The following KLHDC4 variants were observed in gnomAD, a reference collection of about 807,000 sequenced individuals.
The protein encoded by KLHDC4 is kelch domain-containing protein 4.
Under a neutral mutation model 62.4 loss-of-function variants are expected in KLHDC4, and 90 were observed. The observed-to-expected ratio is 1.44, with a 90% confidence interval of 1.22 to 1.72. The LOEUF (loss-of-function observed/expected upper bound fraction) is 1.72. Among genes scored for constraint, KLHDC4 ranks in the 40% most tolerant of loss-of-function variants. The pLI, the probability that KLHDC4 is intolerant of heterozygous loss-of-function variation, is 0.00. For missense variants in KLHDC4, 1,025 were observed against 699.7 expected (o/e 1.47, Z -5.25); for synonymous variants, 386 against 284.4 (o/e 1.36, Z -3.59).
chr16:87,741,731 A>G (rs1396131102), intron 5 of KLHDC4, among the ~76,000 whole-genome samples: 1 of 152,210 alleles, frequency 6.6e-6, no homozygotes, highest in African/African-American at 2.4e-5. Context: ...CTGCCTTCCT[A>G]CAAGAAAACC....
At chr16:87,723,334 AAGTGG>A (rs1404833156) in intron 7 of KLHDC4, among the ~76,000 whole-genome samples, 2 of 152,276 alleles carry the variant, frequency 1.3e-5, no homozygotes, top group East Asian at 3.8e-4. Flanking sequence ...CTACTGAACT[AAGTGG>A]ATTGAGATCA....
intron 1 of KLHDC4, among the ~76,000 whole-genome samples, chr16:87,763,800 G>C (rs1001702390): frequency 3.3e-5 from 5 of 152,196 alleles, no homozygotes; most frequent in African/African-American, 1.2e-4. Context: ...CTGAAGGAGA[G>C]CAAGGTGGTA....
At chr16:87,760,606 CAAA>C (rs546426686) in intron 2 of KLHDC4, among the ~76,000 whole-genome samples, 3 of 52,152 alleles carry the variant, frequency 5.8e-5, no homozygotes, top group Non-Finnish European at 7.6e-5. Flanking sequence ...GACTCCGTCC[CAAA>C]AAAAAAAAAA....
chr16:87,730,191 T>C (rs1201363545), intron 6 of KLHDC4, among the ~76,000 whole-genome samples: 3 of 152,198 alleles, frequency 2.0e-5, no homozygotes, highest in Admixed American at 6.5e-5. Context: ...TGAGCTCAAG[T>C]GATCCACCCG....
intron 1 of KLHDC4, among the ~76,000 whole-genome samples, chr16:87,764,816 G>C (rs1424135863): frequency 1.5e-5 from 2 of 130,208 alleles, no homozygotes; most frequent in African/African-American, 6.2e-5. Flanking sequence ...CTAGGTGACA[G>C]AGCAAGACTC....
chr16:87,732,278 T>A (rs1353382912), intron 5 of KLHDC4, among the ~76,000 whole-genome samples: 1 of 151,984 alleles, frequency 6.6e-6, no homozygotes, highest in Non-Finnish European at 1.5e-5. Flanking sequence ...GTATTTTTAG[T>A]AGAGATGGGG....
At chr16:87,706,780 C>A (rs1035399636), downstream of KLHDC4, among the ~76,000 whole-genome samples, 31 of 152,212 alleles carry the variant, frequency 2.0e-4, no homozygotes, top group Non-Finnish European at 4.4e-5. Flanking sequence ...CTGAGATGAT[C>A]CTGAGAGGCG....
chr16:87,731,247 T>C (rs2040318474), intron 5 of KLHDC4, among the ~76,000 whole-genome samples: 1 of 151,520 alleles, frequency 6.6e-6, no homozygotes, highest in Non-Finnish European at 1.5e-5. Context: ...GTATTTCTAG[T>C]ACAGATGGGG....
chr16:87,713,616 G>A (rs1484033451), intron 8 of KLHDC4, among the ~76,000 whole-genome samples: 1 of 151,990 alleles, frequency 6.6e-6, no homozygotes, highest in African/African-American at 2.4e-5. Context: ...AGAGGTCTGT[G>A]AGAACTGACG....
chr16:87,723,907 G>A (rs966214866), intron 7 of KLHDC4, among the ~76,000 whole-genome samples: 21 of 152,268 alleles, frequency 1.4e-4, no homozygotes, highest in Middle Eastern at 3.4e-3. Flanking sequence ...CACAATCTTG[G>A]CTCACTGCAA....
At chr16:87,751,597 A>G (rs545074844) in intron 4 of KLHDC4, among the ~76,000 whole-genome samples, 35 of 152,194 alleles carry the variant, frequency 2.3e-4, no homozygotes, top group Non-Finnish European at 3.2e-4. Context: ...TTCAGAATGA[A>G]TATTTACACC....
At chr16:87,761,283 G>A (rs552812809) in intron 2 of KLHDC4, among the ~76,000 whole-genome samples, 1 of 152,246 alleles carries the variant, frequency 6.6e-6, no homozygotes. Context: ...TCGGGCACCA[G>A]AGCCATCACA....
intron 2 of KLHDC4, among the ~76,000 whole-genome samples, chr16:87,760,330 G>A (rs1430277227): frequency 1.3e-5 from 2 of 151,508 alleles, no homozygotes; most frequent in Admixed American, 6.6e-5. Context: ...CTACAGGGCC[G>A]GGCACGGTGG....
chr16:87,714,211 G>A (rs2036466416), intron 8 of KLHDC4, among the ~76,000 whole-genome samples: 2 of 152,174 alleles, frequency 1.3e-5, no homozygotes, highest in African/African-American at 2.4e-5. Flanking sequence ...AGCTGCTGAG[G>A]GGCACTGTGC....
At chr16:87,763,273 C>T (rs192801581) in intron 1 of KLHDC4, among the ~76,000 whole-genome samples, 1 of 152,268 alleles carries the variant, frequency 6.6e-6, no homozygotes, top group African/African-American at 2.4e-5. Flanking sequence ...CATGTGTATC[C>T]CTAAGCAACA....
At chr16:87,711,554 C>G in intron 8 of KLHDC4, 111 bp from the exon 9 acceptor site, 1 of 894,004 alleles carries the variant, frequency 1.1e-6, no homozygotes, top group Non-Finnish European at 1.7e-6. Flanking sequence ...TAAATGAAAA[C>G]CGTGAGACTG....
chr16:87,713,503 CA>C (rs957570923), intron 8 of KLHDC4, among the ~76,000 whole-genome samples: 3 of 152,174 alleles, frequency 2.0e-5, no homozygotes, highest in African/African-American at 7.2e-5. Context: ...CAGCCAGTAA[CA>C]AATGCAATTT....
At chr16:87,709,814 C>T (rs1301176799) in intron 9 of KLHDC4, 147 bp from the exon 10 acceptor site, 2 of 936,396 alleles carry the variant, frequency 2.1e-6, no homozygotes, top group South Asian at 1.8e-5. Context: ...TCCCTGACTG[C>T]CCTGGGTGCA....
At chr16:87,715,456 T>C (rs1001198845) in intron 7 of KLHDC4, among the ~76,000 whole-genome samples, 1 of 152,128 alleles carries the variant, frequency 6.6e-6, no homozygotes, top group African/African-American at 2.4e-5. Flanking sequence ...ACTGCCCCAG[T>C]GCTCCGCAGC....
Sources: allele counts gnomAD v4.1 joint callset (sites outside exome capture counted in the v4.1 genomes callset), GRCh38; gene constraint gnomAD v4.1.1; transcripts MANE v1.5; gene names NCBI Gene and HGNC (gene_info 2026-07-23, HGNC 2026-07-21).